The following CNKSR3 variants were observed in gnomAD, a reference collection of about 807,000 sequenced individuals.
CNKSR3 encodes the protein CNKSR family member 3.
In CNKSR3, 36 loss-of-function variants were observed where a neutral mutation model predicts 67.7. The observed-to-expected ratio is 0.53, with a 90% CI of 0.41 to 0.70. The LOEUF is 0.70. CNKSR3 is among the 30% of genes least tolerant of loss of function. The probability of loss-of-function intolerance (pLI) is 0.00; values close to 1 mark genes in which losing one functional copy is unlikely to be tolerated. For missense variants in CNKSR3, 630 were observed against 695.2 expected (o/e 0.91, Z 1.05); for synonymous variants, 281 against 271.4 (o/e 1.04, Z -0.35).
At chr6:154,496,917 C>T (rs982802852) in intron 1 of CNKSR3, among the ~76,000 whole-genome samples, 2 of 152,162 alleles carry the variant, frequency 1.3e-5, no homozygotes, top group African/African-American at 2.4e-5. Context: ...GCTCTAATGC[C>T]TCTTGATTCA....
chr6:154,410,608 T>C (rs532624027), intron 11 of CNKSR3, among the ~76,000 whole-genome samples, 176 bp from the exon 12 acceptor site: 6 of 151,868 alleles, frequency 4.0e-5, no homozygotes, highest in South Asian at 4.1e-4. Context: ...GGAAATAGAG[T>C]GCTACTAAGA....
At chr6:154,414,276 C>A (rs755432842) in intron 10 of CNKSR3, 23 bp downstream of exon 10, 2 of 1,558,888 alleles carry the variant, frequency 1.3e-6, no homozygotes, top group Non-Finnish European at 8.6e-7. Flanking sequence ...ACAAGCATAC[C>A]ATGACAATGG....
intron 1 of CNKSR3, among the ~76,000 whole-genome samples, chr6:154,479,059 T>C (rs979111476): frequency 2.8e-5 from 4 of 143,098 alleles, no homozygotes; most frequent in African/African-American, 1.1e-4. Context: ...TATTCTTTTC[T>C]GGTTTTGTTT....
intron 6 of CNKSR3, 90 bp downstream of exon 6, chr6:154,430,382 T>C: frequency 8.3e-7 from 1 of 1,199,674 alleles, no homozygotes; most frequent in Non-Finnish European, 1.2e-6. Flanking sequence ...TTTTCAGAAT[T>C]ATAGTGAAAG....
chr6:154,456,032 C>CA (rs1413186651), intron 1 of CNKSR3, among the ~76,000 whole-genome samples: 2 of 151,786 alleles, frequency 1.3e-5, no homozygotes, highest in Admixed American at 6.6e-5. Context: ...ACAACAACAA[C>CA]AAAAAACTAT....
At chr6:154,426,013 T>C (rs1157423951) in intron 7 of CNKSR3, among the ~76,000 whole-genome samples, 1 of 152,230 alleles carries the variant, frequency 6.6e-6, no homozygotes, top group African/African-American at 2.4e-5. Flanking sequence ...TAACTTCCCA[T>C]GCTTGTCTAG....
At chr6:154,475,057 A>G (rs1308623343) in intron 1 of CNKSR3, among the ~76,000 whole-genome samples, 1 of 152,194 alleles carries the variant, frequency 6.6e-6, no homozygotes, top group African/African-American at 2.4e-5. Flanking sequence ...TCCTTCTGAA[A>G]AGTCTGCAAG....
At chr6:154,474,724 T>C (rs1562349696) in intron 1 of CNKSR3, among the ~76,000 whole-genome samples, 1 of 152,138 alleles carries the variant, frequency 6.6e-6, no homozygotes, top group Non-Finnish European at 1.5e-5. Flanking sequence ...CAGGATGAGA[T>C]GATGGACTAC....
intron 1 of CNKSR3, among the ~76,000 whole-genome samples, chr6:154,489,038 T>A (rs1211700660): frequency 6.6e-6 from 1 of 151,912 alleles, no homozygotes; most frequent in African/African-American, 2.4e-5. Flanking sequence ...TGGGGTTTTG[T>A]GGGTTTTGAG....
intron 2 of CNKSR3, among the ~76,000 whole-genome samples, chr6:154,444,697 C>T (rs1343465992): frequency 6.7e-6 from 1 of 149,072 alleles, no homozygotes; most frequent in Non-Finnish European, 1.5e-5. Context: ...CCTCTGACTC[C>T]CTGGTTCAAG....
chr6:154,501,930 C>A (rs895175904), intron 1 of CNKSR3, among the ~76,000 whole-genome samples: 3 of 152,098 alleles, frequency 2.0e-5, no homozygotes, highest in African/African-American at 7.2e-5. Context: ...TTTAACTTAC[C>A]TCCTGTATAA....
intron 4 of CNKSR3, among the ~76,000 whole-genome samples, chr6:154,435,555 C>T (rs12179807): frequency 0.047 from 7,142 of 152,266 alleles, 188 homozygotes; most frequent in African/African-American, 0.074. Context: ...GAAAGGACTC[C>T]CTCTCACCTC....
At chr6:154,423,311 C>T (rs768640103) in intron 7 of CNKSR3, among the ~76,000 whole-genome samples, 1 of 152,190 alleles carries the variant, frequency 6.6e-6, no homozygotes, top group Non-Finnish European at 1.5e-5. Flanking sequence ...GTCACCCAGG[C>T]TGGAGGGCAA....
At position 154,430,526 on chromosome 6, in the gene CNKSR3, C is replaced by T; in HGVS notation, c.615G>A (p.Gln205=). The change falls in exon 6 of 13, where the codon CAG becomes CAA. Residue 205 remains glutamine (Q), a synonymous_variant. Coordinates refer to ENST00000607772, the MANE Select transcript of CNKSR3 (RefSeq NM_173515.4). ...IRSTTDPVMS[Q]CACLEEVHLP... The stretch of plus-strand genomic sequence containing the variant: ...AGTGAACTTCCTCCAGACATGCACA[C>T]TGGCTCATCACAGGATCTGTGGTAG... The T allele has an allele frequency of 1.9e-6, 3 of 1,612,986 alleles. No homozygotes were observed. The highest frequency in any genetic ancestry group is 2.5e-6 in the Non-Finnish European group (3 of 1,179,550).
intron 1 of CNKSR3, among the ~76,000 whole-genome samples, chr6:154,468,553 A>G (rs1315698632): frequency 6.6e-6 from 1 of 152,106 alleles, no homozygotes; most frequent in Non-Finnish European, 1.5e-5. Context: ...TATTAGGATA[A>G]TGGCTTCCTG....
chr6:154,490,812 C>G (rs1410324192), intron 1 of CNKSR3, among the ~76,000 whole-genome samples: 1 of 152,120 alleles, frequency 6.6e-6, no homozygotes, highest in Non-Finnish European at 1.5e-5. Context: ...ACAGAGCTAC[C>G]TCCTGCTCAT....
In CNKSR3 at chr6:154,400,514, T is replaced by A. The variant is rs1304231514; in HGVS notation, c.*5840A>T. ...GTGGCCCAAAGGTTCTGAAAAACTG[T>A]GTGTGACAGTCTCCTGGCTGTGTAG... is the stretch of plus-strand genomic sequence containing the variant. On this transcript the variant is annotated 3_prime_UTR_variant, in exon 13 of 13. Coordinates refer to ENST00000607772, the MANE Select transcript of CNKSR3 (RefSeq NM_173515.4). The A allele has an allele frequency of 6.6e-6, 1 of 152,218 alleles. No homozygotes were observed. The highest frequency in any genetic ancestry group is 1.5e-5 in the Non-Finnish European group (1 of 68,044). 9.4% of individuals were successfully genotyped at this position (152,218 alleles called of 1,614,324 possible).
chr6:154,425,910 G>A (rs572280074), intron 7 of CNKSR3, among the ~76,000 whole-genome samples: 1 of 152,292 alleles, frequency 6.6e-6, no homozygotes, highest in East Asian at 1.9e-4. Flanking sequence ...AGCTGACCTG[G>A]AGCTGGCACT....
rs11541339 is a variant in CNKSR3, at chr6:154,510,509, G to C, written c.-395C>G. 40,283 of 213,154 alleles carry C rather than the reference G, an allele frequency of 0.19. 4,365 individuals are homozygous for C. Among genetic ancestry groups the C allele is most frequent in the African/African-American group, 0.27 (11,387 of 42,650 alleles). 13.2% of individuals were successfully genotyped at this position (213,154 alleles called of 1,614,324 possible). ...AGGCGCGATCGGCTCTCCCTCGGCC[G>C]GTCTTCTCGCCTGCTGGCTCTCCGG... On this transcript the variant is annotated 5_prime_UTR_variant, in exon 1 of 13. Coordinates refer to ENST00000607772, the MANE Select transcript of CNKSR3 (RefSeq NM_173515.4).
Sources: allele counts gnomAD v4.1 joint callset (sites outside exome capture counted in the v4.1 genomes callset), GRCh38; gene constraint gnomAD v4.1.1; transcripts MANE v1.5; gene names NCBI Gene and HGNC (gene_info 2026-07-23, HGNC 2026-07-21).